Variants in CAMSAP2 observed in about 807,000 individuals in gnomAD.
CAMSAP2 encodes the protein calmodulin-regulated spectrin-associated protein 2.
In CAMSAP2, 26 loss-of-function variants were observed where a neutral mutation model predicts 146.1. The ratio of observed to expected loss-of-function variants is 0.18; its 90% CI spans 0.13 to 0.25. CAMSAP2 has a LOEUF of 0.25. Among genes scored for constraint, CAMSAP2 ranks in the 10% least tolerant of loss-of-function variants. The pLI is 1.00. For synonymous variants in CAMSAP2, 499 were observed against 596.6 expected, an observed-to-expected ratio of 0.84 and a Z score of 2.38; for missense variants, 1,381 against 1,759.3, an observed-to-expected ratio of 0.78 and a Z score of 3.85.
At chr1:200,753,124 A>G (rs1445467817) in intron 1 of CAMSAP2, among the ~76,000 whole-genome samples, 2 of 151,828 alleles carry the variant, frequency 1.3e-5, no homozygotes, top group East Asian at 2.0e-4. Flanking sequence ...GTGAAAACCC[A>G]TCTCTACTAA....
chr1:200,807,304 C>A, intron 2 of CAMSAP2, 72 bp from the exon 3 acceptor site: 1 of 1,195,622 alleles, frequency 8.4e-7, no homozygotes, highest in Non-Finnish European at 1.1e-6. Flanking sequence ...ATGTCATTAA[C>A]ATTTCAAAAT....
chr1:200,849,864 A>C lies in CAMSAP2; in HGVS notation c.3095A>C (p.Glu1032Ala), dbSNP rs1451587109. 6.2e-7 allele frequency: 1 copy of C among 1,614,210 alleles called. No homozygotes were observed. Among genetic ancestry groups the C allele is most frequent in the Non-Finnish European group, 8.5e-7 (1 of 1,180,038 alleles). ...FGDDGEPQLKESKPKEEVKKE... is the reference protein window; with the variant it reads ...FGDDGEPQLKASKPKEEVKKE... ...GATGATGGAGAACCTCAGTTAAAGGAATCCAAACCTAAAGAGGAAGTTAAA... is the reference window on the plus strand; with the variant it reads ...GATGATGGAGAACCTCAGTTAAAGGCATCCAAACCTAAAGAGGAAGTTAAA... Residue 1032 changes from glutamate to alanine, a missense_variant, in exon 11 of 17, where the codon GAA becomes GCA. By Grantham distance (107) the Glu-to-Ala change is moderately radical (BLOSUM62 -1). Transcript: ENST00000358823. The surrounding 1 kb of genome is among the most constrained non-coding windows in gnomAD (Gnocchi z 6.3).
chr1:200,782,963 A>G (rs1377842384), intron 2 of CAMSAP2, among the ~76,000 whole-genome samples: 1 of 151,336 alleles, frequency 6.6e-6, no homozygotes, highest in Non-Finnish European at 1.5e-5. Flanking sequence ...ATAGGGTTTC[A>G]CTGTGTTGCC....
intron 2 of CAMSAP2, among the ~76,000 whole-genome samples, chr1:200,791,003 C>G (rs1357853061): frequency 6.6e-6 from 1 of 152,062 alleles, no homozygotes; most frequent in Non-Finnish European, 1.5e-5. Flanking sequence ...TGCCACCATG[C>G]CTGGCTAATT....
rs549599160 is a variant in CAMSAP2 at position 200,754,525 on chromosome 1, C to CT, written c.140-6307dup. Among the ~76,000 whole-genome samples the CT allele has an allele frequency of 1.7e-3, 246 of 148,796 alleles. 1 individual carries two copies. The highest frequency in any genetic ancestry group is 6.1e-3 in the African/African-American group (245 of 40,388). On this transcript the variant is annotated intron_variant, in intron 1 of 16. Transcript: ENST00000358823. Reference sequence around the variant, plus strand: ...CCGATTATTGCTGTTGATTACTATCCTTTTTTTCCATTTGTTTGTTGGTAT... The same window carrying CT: ...CCGATTATTGCTGTTGATTACTATCCTTTTTTTTCCATTTGTTTGTTGGTAT...
intron 1 of CAMSAP2, among the ~76,000 whole-genome samples, chr1:200,748,406 A>G (rs1664404271): frequency 1.3e-5 from 2 of 152,096 alleles, no homozygotes; most frequent in Non-Finnish European, 2.9e-5. Context: ...CAATATGAAC[A>G]TTTCTGATTG....
At chr1:200,776,377 T>C (rs189201503) in intron 2 of CAMSAP2, among the ~76,000 whole-genome samples, 239 of 152,370 alleles carry the variant, frequency 1.6e-3, no homozygotes, top group Non-Finnish European at 2.6e-3. Context: ...AGGGCTGTTT[T>C]TGTCCTGAGC....
chr1:200,753,791 C>T (rs1006907823), intron 1 of CAMSAP2, among the ~76,000 whole-genome samples: 4 of 152,162 alleles, frequency 2.6e-5, no homozygotes, highest in African/African-American at 4.8e-5. Context: ...CCACTCTGTA[C>T]TCCTCTTGCT....
At chr1:200,758,403 A>G (rs529834038) in intron 1 of CAMSAP2, among the ~76,000 whole-genome samples, 60 of 152,336 alleles carry the variant, frequency 3.9e-4, no homozygotes, top group African/African-American at 1.4e-3. Flanking sequence ...ATTTCCTACA[A>G]TACTAAAGTG....
chr1:200,792,623 T>G (rs1462904693), intron 2 of CAMSAP2, among the ~76,000 whole-genome samples: 2 of 152,142 alleles, frequency 1.3e-5, no homozygotes, highest in Non-Finnish European at 2.9e-5. Flanking sequence ...CCAGCCTGGA[T>G]GACAAAGCAA....
chr1:200,787,895 T>G (rs1665638914), intron 2 of CAMSAP2, among the ~76,000 whole-genome samples: 1 of 152,208 alleles, frequency 6.6e-6, no homozygotes, highest in African/African-American at 2.4e-5. Context: ...ATTGAAGGCT[T>G]GGGTGATTGT....
intron 2 of CAMSAP2, among the ~76,000 whole-genome samples, chr1:200,776,010 T>C (rs779420694): frequency 1.3e-5 from 2 of 151,472 alleles, no homozygotes; most frequent in Non-Finnish European, 2.9e-5. Context: ...AAAAGAAAAA[T>C]CACTGTTTCT....
At chr1:200,772,231 T>C (rs1375199797) in intron 2 of CAMSAP2, among the ~76,000 whole-genome samples, 2 of 152,138 alleles carry the variant, frequency 1.3e-5, no homozygotes, top group Admixed American at 6.5e-5. Context: ...TTTAAGATTC[T>C]ATTTGAAAAA....
chr1:200,780,788 G>A (rs1394580172), intron 2 of CAMSAP2, among the ~76,000 whole-genome samples: 1 of 152,198 alleles, frequency 6.6e-6, no homozygotes, highest in Non-Finnish European at 1.5e-5. Flanking sequence ...ACCCCCTGCT[G>A]TTTCTCAGCT....
chr1:200,774,320 T>G (rs1390959280), intron 2 of CAMSAP2, among the ~76,000 whole-genome samples: 2 of 149,706 alleles, frequency 1.3e-5, no homozygotes. Context: ...AAAAAAAAAA[T>G]CTTTACAATG....
intron 3 of CAMSAP2, 127 bp downstream of exon 3, chr1:200,807,664 A>T: frequency 1.6e-6 from 1 of 614,576 alleles, no homozygotes; most frequent in Non-Finnish European, 2.4e-6. Context: ...TGTAAAATAC[A>T]CTTAAATTTT....
chr1:200,841,067 G>C (rs1374979044), intron 6 of CAMSAP2, among the ~76,000 whole-genome samples: 1 of 151,934 alleles, frequency 6.6e-6, no homozygotes, highest in Non-Finnish European at 1.5e-5. Flanking sequence ...TTTTAAAATA[G>C]TAATAATAAA....
Position 200,857,591 on chromosome 1 carries a change from C to A in CAMSAP2, c.4132-163C>A. The A allele has an allele frequency of 1.3e-6, 1 of 794,416 alleles. No individual in the cohort carries two copies. Among genetic ancestry groups the A allele is most frequent in the Non-Finnish European group, 2.0e-6 (1 of 509,454 alleles). 49.2% of individuals were successfully genotyped at this position (794,416 alleles called of 1,614,324 possible). On this transcript the variant is annotated intron_variant, in intron 16 of 16. Coordinates refer to ENST00000358823, the MANE Select transcript of CAMSAP2 (RefSeq NM_203459.4). The surrounding 1 kb of genome is among the most constrained non-coding windows in gnomAD (Gnocchi z 4.7). Reference sequence around the variant, plus strand: ...TTATTTTCACATTAGGTTCTGGAAGCCTGCAGATTTTATTAAAGACTAGCA... The same window carrying A: ...TTATTTTCACATTAGGTTCTGGAAGACTGCAGATTTTATTAAAGACTAGCA...
chr1:200,845,400 G>A (rs1240102661), intron 8 of CAMSAP2, among the ~76,000 whole-genome samples: 1 of 152,048 alleles, frequency 6.6e-6, no homozygotes. Context: ...CTTGCAGCAA[G>A]TAAGGAGGAC....
Sources: gnomAD v4.1 joint callset for allele counts (sites outside exome capture counted in the v4.1 genomes callset) on GRCh38, gnomAD v4.1.1 for gene constraint, Gnocchi (gnomAD v3.1) non-coding constraint, MANE v1.5 for transcripts, NCBI Gene and HGNC (gene_info 2026-07-23, HGNC 2026-07-21) for gene names.